The following RNF220 variants were observed in gnomAD, a reference collection of about 807,000 sequenced individuals.
RNF220 encodes the protein E3 ubiquitin-protein ligase RNF220.
In RNF220, 7 loss-of-function variants were observed where a neutral mutation model predicts 67.1. The ratio of observed to expected loss-of-function variants is 0.10; its 90% CI spans 0.06 to 0.20. The LOEUF is 0.20. RNF220 is among the 10% of genes least tolerant of loss of function. The pLI is 1.00. For missense variants in RNF220, 565 were observed against 740.3 expected (o/e 0.76, Z 2.75); for synonymous variants, 270 against 283.2 (o/e 0.95, Z 0.47).
At chr1:44,407,614 G>T (rs1029181274) in intron 1 of RNF220, among the ~76,000 whole-genome samples, 10 of 152,034 alleles carry the variant, frequency 6.6e-5, no homozygotes, top group Admixed American at 1.3e-4. Context: ...GGGGCCGGGC[G>T]CGGAGCGAGC....
intron 2 of RNF220, among the ~76,000 whole-genome samples, chr1:44,554,781 C>A (rs886885015): frequency 1.2e-4 from 19 of 152,106 alleles, no homozygotes; most frequent in Admixed American, 1.2e-3. Flanking sequence ...AACGGCCCTC[C>A]CAGCTCACCT....
Position 44,651,596 on chromosome 1 carries a change from AGT to A in RNF220, c.*824_*825del, listed in dbSNP as rs1485495115. 7 of 152,584 alleles carry A rather than the reference AGT, an allele frequency of 4.6e-5. No homozygotes were observed. Among genetic ancestry groups the A allele is most frequent in the Non-Finnish European group, 8.8e-5 (6 of 68,152 alleles). The allele number at this position is 152,584 out of a possible 1,614,324, so 9.5% of individuals were successfully genotyped here. ...TTAGAGCTGCCTTTCCCAGGGAAAA[AGT>A]GTCGTCTCCCCGACCCTCCCGTGGG... On this transcript the variant is annotated 3_prime_UTR_variant, in exon 15 of 15. Coordinates refer to ENST00000361799, the MANE Select transcript of RNF220 (RefSeq NM_018150.4).
chr1:44,529,560 G>T (rs1244621214), intron 2 of RNF220, among the ~76,000 whole-genome samples: 1 of 152,080 alleles, frequency 6.6e-6, no homozygotes, highest in Non-Finnish European at 1.5e-5. Context: ...TTTTCTAGTA[G>T]AGATGGAGTC....
intron 2 of RNF220, among the ~76,000 whole-genome samples, chr1:44,573,854 C>T (rs1024714024): frequency 1.3e-5 from 2 of 152,228 alleles, no homozygotes; most frequent in South Asian, 4.1e-4. Flanking sequence ...TGGCTCACCC[C>T]TGTAATGCCA....
intron 2 of RNF220, among the ~76,000 whole-genome samples, chr1:44,576,211 A>G (rs1299984009): frequency 1.3e-5 from 2 of 152,222 alleles, no homozygotes; most frequent in Admixed American, 1.3e-4. Context: ...TGATCCTTAT[A>G]GCAGTTTCTG....
At position 44,568,128 on chromosome 1, in the gene RNF220, CAG is replaced by C. The variant is rs987194505; in HGVS notation, c.626-46034_626-46033del. Among the ~76,000 whole-genome samples the C allele has an allele frequency of 3.3e-5, 5 of 152,326 alleles. No individual in the cohort carries two copies. In the East Asian group the frequency reaches 9.6e-4, roughly 29 times the overall value. On this transcript the variant is annotated intron_variant, in intron 2 of 14. Transcript: ENST00000361799. Reference sequence around the variant, plus strand: ...TCTCCACATCCAACTAGAGATCCATCAGAGTGTCCTTTTCAACAATGTAGGTG... The same window carrying C: ...TCTCCACATCCAACTAGAGATCCATCAGTGTCCTTTTCAACAATGTAGGTG...
In RNF220 at chr1:44,626,533, TC is replaced by T. The variant is rs1643944500; in HGVS notation, c.906+138del. 7 of 671,434 alleles carry T rather than the reference TC, an allele frequency of 1.0e-5. No homozygotes were observed. The South Asian group carries it at 1.1e-4, about 10-fold the overall frequency. 41.6% of individuals were successfully genotyped at this position (671,434 alleles called of 1,614,324 possible). ...TGAACTGGGTTTGGTTCCCCCTGTG[TC>T]CCGTGCCCCTAAGTGAACTCAGGAG... On this transcript the variant is annotated intron_variant, in intron 5 of 14. Coordinates refer to ENST00000361799, the MANE Select transcript of RNF220 (RefSeq NM_018150.4).
rs58436687 is a variant in RNF220 at position 44,622,395 on chromosome 1, G to T, written c.759-347G>T. ...GGAGCTAAGAGCGGGCTGGGAACAG[G>T]GGGTGGAGAGAAGGGGGTCTCCAGG... On this transcript the variant is annotated intron_variant, in intron 3 of 14. Coordinates refer to ENST00000361799, the MANE Select transcript of RNF220 (RefSeq NM_018150.4). The surrounding 1 kb of genome is among the most constrained non-coding windows in gnomAD (Gnocchi z 4.3). 0.019 allele frequency among the ~76,000 whole-genome samples: 2,850 copies of T among 152,332 alleles called. 90 individuals are homozygous for T. The highest frequency in any genetic ancestry group is 0.065 in the African/African-American group (2,716 of 41,566).
rs921027960 is a variant in RNF220, at chr1:44,624,732, G to A, written c.805-1565G>A. Among the ~76,000 whole-genome samples the A allele has an allele frequency of 3.3e-5, 5 of 152,020 alleles. No homozygotes were observed. Among genetic ancestry groups the A allele is most frequent in the Non-Finnish European group, 7.4e-5 (5 of 68,016 alleles). On this transcript the variant is annotated intron_variant, in intron 4 of 14. Transcript: ENST00000361799. The surrounding 1 kb of genome is among the most constrained non-coding windows in gnomAD (Gnocchi z 4.2). The stretch of plus-strand genomic sequence containing the variant: ...GGCCTTAGACAAGATTGATGGCCTC[G>A]TTGCCATTAAGAAAAAAATTAGCCG...
At chr1:44,619,048 G>A (rs1205403533) in intron 3 of RNF220, among the ~76,000 whole-genome samples, 1 of 151,734 alleles carries the variant, frequency 6.6e-6, no homozygotes. Context: ...GGAGAGACAG[G>A]CAGGGACATA....
intron 2 of RNF220, among the ~76,000 whole-genome samples, chr1:44,491,354 C>T (rs1258478098): frequency 6.6e-6 from 1 of 152,024 alleles, no homozygotes; most frequent in Non-Finnish European, 1.5e-5. Flanking sequence ...CAACAAAATT[C>T]TAGTGAACCA....
intron 2 of RNF220, among the ~76,000 whole-genome samples, chr1:44,559,654 A>T (rs1033732573): frequency 1.3e-5 from 2 of 152,118 alleles, no homozygotes; most frequent in African/African-American, 4.8e-5. Flanking sequence ...CCTGTTAGGA[A>T]GAGGGGGCCA....
chr1:44,564,160 G>A (rs903368081), intron 2 of RNF220, among the ~76,000 whole-genome samples: 6 of 152,132 alleles, frequency 3.9e-5, no homozygotes, highest in African/African-American at 9.7e-5. Flanking sequence ...CCAGAGAGTG[G>A]TAACTGTTAA....
chr1:44,648,056 C>T (rs187070791), intron 12 of RNF220, among the ~76,000 whole-genome samples: 1 of 152,380 alleles, frequency 6.6e-6, no homozygotes, highest in African/African-American at 2.4e-5. Context: ...TGTGGGCCTT[C>T]TAGCCAGACT....
intron 2 of RNF220, among the ~76,000 whole-genome samples, chr1:44,483,014 T>A (rs1655973346): frequency 7.4e-6 from 1 of 134,496 alleles, no homozygotes; most frequent in African/African-American, 2.8e-5. Flanking sequence ...TACTGCAGCC[T>A]CAAACTCCGG....
At chr1:44,609,728 G>A (rs1364459766) in intron 2 of RNF220, among the ~76,000 whole-genome samples, 2 of 152,202 alleles carry the variant, frequency 1.3e-5, no homozygotes, top group Non-Finnish European at 2.9e-5. Flanking sequence ...TAGGAAGAGG[G>A]CTGCCTTGGC....
Position 44,650,821 on chromosome 1 carries a change from C to T in RNF220, c.*46C>T, listed in dbSNP as rs779300954. 3.8e-6 allele frequency: 6 copies of T among 1,564,552 alleles called. No individual in the cohort carries two copies. The stretch of plus-strand genomic sequence containing the variant: ...CTCGCCTCCAGCAGCCCCACCTGCC[C>T]CCAGCCTCTGTGACAGTGACCGTCT... On this transcript the variant is annotated 3_prime_UTR_variant, in exon 15 of 15. Transcript: ENST00000361799. This position sits in a 1 kb window ranked among gnomAD's most constrained non-coding sequence, Gnocchi z 4.3.
chr1:44,538,994 G>A (rs1486749880), intron 2 of RNF220, among the ~76,000 whole-genome samples: 1 of 151,188 alleles, frequency 6.6e-6, no homozygotes, highest in Admixed American at 6.6e-5. Context: ...GCCCAGGTGG[G>A]CGGATCACCT....
At position 44,427,686 on chromosome 1, in the gene RNF220, A is replaced by T. The variant is rs190256153; in HGVS notation, c.625+14964A>T. Among the ~76,000 whole-genome samples, 3 of 152,360 alleles carry T rather than the reference A, an allele frequency of 2.0e-5. No homozygotes were observed. In the East Asian group the frequency reaches 5.8e-4, roughly 29 times the overall value. ...GAGCTAAATCTGTGAGACGAGACAG[A>T]TGCACCTACTCTTTCTGTGCCTCCA... On this transcript the variant is annotated intron_variant, in intron 2 of 14. Transcript: ENST00000361799.
Sources: gnomAD v4.1 joint callset for allele counts (sites outside exome capture counted in the v4.1 genomes callset) on GRCh38, gnomAD v4.1.1 for gene constraint, Gnocchi (gnomAD v3.1) non-coding constraint, MANE v1.5 for transcripts, NCBI Gene and HGNC (gene_info 2026-07-23, HGNC 2026-07-21) for gene names.